NVL: variants seen among roughly 807,000 people sequenced by gnomAD.
NVL encodes nuclear VCP like.
NVL carries 84 observed loss-of-function variants against 110.2 expected under a neutral mutation model. The ratio of observed to expected loss-of-function variants is 0.76; its 90% confidence interval spans 0.64 to 0.91. The LOEUF (loss-of-function observed/expected upper bound fraction) is 0.91, where lower values mean the gene tolerates loss of function less well. NVL is among the 40% of genes least tolerant of loss of function. The pLI, the probability that NVL is intolerant of heterozygous loss-of-function variation, is 0.00. For synonymous variants in NVL, 354 were observed against 361.1 expected, an observed-to-expected ratio of 0.98 and a Z score of 0.22; for missense variants, 882 against 1,035.9, an observed-to-expected ratio of 0.85 and a Z score of 2.04.
At chr1:224,283,488 A>G (rs1436297804) in intron 15 of NVL, among the ~76,000 whole-genome samples, 2 of 151,980 alleles carry the variant, frequency 1.3e-5, no homozygotes, top group Admixed American at 6.6e-5. Context: ...CCATCTCAAA[A>G]AAAGAAAGAA....
intron 9 of NVL, chr1:224,301,798 CAAAAAAAAAA>C (rs61084002): frequency 2.3e-3 from 172 of 75,914 alleles, no homozygotes; most frequent in South Asian, 9.0e-3. Flanking sequence ...AAATCTGTTT[CAAAAAAAAAA>C]AAAAAAAAAA....
At chr1:224,266,054 C>T (rs553355466) in intron 18 of NVL, among the ~76,000 whole-genome samples, 4 of 152,272 alleles carry the variant, frequency 2.6e-5, no homozygotes, top group African/African-American at 7.2e-5. Context: ...AACAATTAAA[C>T]AGATAATAAT....
rs1254897225 is a variant in NVL, at chr1:224,231,120, A to G, written c.2526+106T>C. On this transcript the variant is annotated intron_variant, in intron 22 of 22. Transcript: ENST00000281701. ...TGCACTCCAGCATGGACGACAGAGC[A>G]AGACTCCGTCTCAAAAAAAAAAAAA... 1.7e-5 allele frequency: 13 copies of G among 746,470 alleles called. No individual in the cohort carries two copies. The East Asian group carries it at 3.3e-4, about 19-fold the overall frequency. 46.2% of individuals were successfully genotyped at this position (746,470 alleles called of 1,614,324 possible).
At chr1:224,326,006 C>CTCAA (rs1671109539) in intron 2 of NVL, among the ~76,000 whole-genome samples, 1 of 152,100 alleles carries the variant, frequency 6.6e-6, no homozygotes, top group African/African-American at 2.4e-5. Flanking sequence ...CCAGGCTGGT[C>CTCAA]TCAAACTCCT....
Position 224,318,708 on chromosome 1 carries a change from G to C in NVL, c.132-778C>G, listed in dbSNP as rs112723833. On this transcript the variant is annotated intron_variant, in intron 2 of 22. Coordinates refer to ENST00000281701, the MANE Select transcript of NVL (RefSeq NM_002533.4). ...TTTAAAAAAGAATATCTGCAGCCAGGTGCGGTGGCTCACTCCTGTAATTCC... is the reference window on the plus strand; with the variant it reads ...TTTAAAAAAGAATATCTGCAGCCAGCTGCGGTGGCTCACTCCTGTAATTCC... 8.3e-4 allele frequency among the ~76,000 whole-genome samples: 126 copies of C among 151,984 alleles called. 1 individual carries two copies. The highest frequency in any genetic ancestry group is 3.7e-4 in the Non-Finnish European group (25 of 68,014).
rs915895841 is a variant in NVL at position 224,310,735 on chromosome 1, C to CCT, written c.342+1063_342+1064dup. 2.3e-4 allele frequency among the ~76,000 whole-genome samples: 35 copies of CCT among 149,210 alleles called. No individual in the cohort carries two copies. The Middle Eastern group carries it at 0.01, about 45-fold the overall frequency. On this transcript the variant is annotated intron_variant, in intron 5 of 22. Coordinates refer to ENST00000281701, the MANE Select transcript of NVL (RefSeq NM_002533.4). ...TTTCTTTCCCTCTTTCTTTCCTTCT[C>CCT]CTCTCTCTCTCTCTCTTTTGCAATA... is the stretch of plus-strand genomic sequence containing the variant.
rs1463345676 is a variant in NVL at position 224,317,764 on chromosome 1, G to C, written c.214C>G (p.Leu72Val). The change falls in exon 4 of 23, where the codon CTT (leucine) becomes GTT (valine). Residue 72 changes from leucine to valine, a missense_variant. Leu to Val is a conservative substitution (Grantham distance 32). Transcript: ENST00000281701. ...TCTTCTAATTCTGTTAAATTCTTAA[G>C]TTCCTTCTCACTACTAATTATGCTA... ...VFSIISSEKE[L>V]KNLTELEDEH... The C allele has an allele frequency of 1.9e-6, 3 of 1,607,802 alleles. No homozygotes were observed. Among genetic ancestry groups the C allele is most frequent in the Non-Finnish European group, 2.6e-6 (3 of 1,174,906 alleles).
At chr1:224,294,668 T>A (rs1667706522) in intron 11 of NVL, among the ~76,000 whole-genome samples, 1 of 152,170 alleles carries the variant, frequency 6.6e-6, no homozygotes, top group Admixed American at 6.5e-5. Flanking sequence ...CAGACAAATT[T>A]TGTGAAGTAT....
intron 14 of NVL, 66 bp downstream of exon 14, chr1:224,287,709 A>G: frequency 7.3e-7 from 1 of 1,361,094 alleles, no homozygotes; most frequent in South Asian, 1.2e-5. Context: ...GTACACATGC[A>G]TGGAGCTTTA....
At chr1:224,234,327 T>C (rs1402825017) in intron 20 of NVL, among the ~76,000 whole-genome samples, 1 of 152,078 alleles carries the variant, frequency 6.6e-6, no homozygotes, top group African/African-American at 2.4e-5. Context: ...AGTTTGGGGA[T>C]AAAAACATCA....
chr1:224,294,959 C>T (rs1667734028), intron 11 of NVL, among the ~76,000 whole-genome samples: 1 of 152,184 alleles, frequency 6.6e-6, no homozygotes, highest in South Asian at 2.1e-4. Context: ...TCAGAATAGA[C>T]TGATAAAATT....
chr1:224,254,129 T>C (rs1037725537), intron 18 of NVL, among the ~76,000 whole-genome samples: 24 of 152,170 alleles, frequency 1.6e-4, no homozygotes, highest in African/African-American at 4.6e-4. Flanking sequence ...TCTCACTCTG[T>C]CGCCCAGGCT....
intron 19 of NVL, among the ~76,000 whole-genome samples, chr1:224,244,914 C>T (rs1233811401): frequency 6.6e-6 from 1 of 152,174 alleles, no homozygotes; most frequent in African/African-American, 2.4e-5. Context: ...TCTCGAACTC[C>T]TGACCTCGTG....
At chr1:224,263,422 T>C (rs1286624993) in intron 18 of NVL, among the ~76,000 whole-genome samples, 2 of 152,222 alleles carry the variant, frequency 1.3e-5, no homozygotes, top group Non-Finnish European at 2.9e-5. Flanking sequence ...AATATGGACT[T>C]GTAAAGAAAA....
intron 8 of NVL, 86 bp from the exon 9 acceptor site, chr1:224,303,943 G>A: frequency 7.1e-7 from 1 of 1,406,686 alleles, no homozygotes; most frequent in East Asian, 2.5e-5. Context: ...GCAGTGAAAT[G>A]GAGTAGATAG....
chr1:224,295,086 T>G (rs1667746570), intron 11 of NVL, among the ~76,000 whole-genome samples: 1 of 152,264 alleles, frequency 6.6e-6, no homozygotes, highest in South Asian at 2.1e-4. Flanking sequence ...GTATTATTTC[T>G]CTCAGCTGAA....
intron 22 of NVL, 131 bp from the exon 23 acceptor site, chr1:224,227,801 G>T (rs1402230217): frequency 4.3e-6 from 3 of 692,622 alleles, no homozygotes; most frequent in Non-Finnish European, 7.2e-6. Context: ...TGGAGAGAGG[G>T]TCTTTATAGA....
chr1:224,230,851 C>T (rs1251087731), intron 22 of NVL, among the ~76,000 whole-genome samples: 1 of 151,502 alleles, frequency 6.6e-6, no homozygotes, highest in Non-Finnish European at 1.5e-5. Flanking sequence ...GAGTTTAATT[C>T]AGCCGGGCGC....
At chr1:224,258,255 T>C (rs1158288865) in intron 18 of NVL, among the ~76,000 whole-genome samples, 4 of 152,014 alleles carry the variant, frequency 2.6e-5, no homozygotes, top group African/African-American at 7.3e-5. Context: ...AAAGAAGACA[T>C]ACAAATGACC....
Sources: allele counts gnomAD v4.1 joint callset (sites outside exome capture counted in the v4.1 genomes callset), GRCh38; gene constraint gnomAD v4.1.1; transcripts MANE v1.5; gene names NCBI Gene and HGNC (gene_info 2026-07-23, HGNC 2026-07-21).